The following UBE4A variants were observed in gnomAD, a reference collection of about 807,000 sequenced individuals.
The protein encoded by UBE4A is ubiquitination factor E4A.
UBE4A carries 48 observed loss-of-function variants against 117.9 expected under a neutral mutation model. The ratio of observed to expected loss-of-function variants is 0.41; its 90% CI spans 0.32 to 0.52. The LOEUF is 0.52. Ranked by LOEUF, UBE4A falls within the 20% of genes least tolerant of loss-of-function variation. The pLI is 0.33. For missense variants in UBE4A, 1,067 were observed against 1,296.3 expected (o/e 0.82, Z 2.72); for synonymous variants, 407 against 450.0 (o/e 0.90, Z 1.21).
chr11:118,378,832 A>T (rs1948675628), intron 10 of UBE4A: 2 of 152,400 alleles, frequency 1.3e-5, no homozygotes, highest in Non-Finnish European at 2.9e-5. Context: ...ACTATTATCC[A>T]TAACTTTGAA....
chr11:118,378,540 A>G (rs1565534039), intron 10 of UBE4A: 1 of 152,236 alleles, frequency 6.6e-6, no homozygotes, highest in South Asian at 2.1e-4. Flanking sequence ...AGTCATAGAA[A>G]GGGACACTAA....
At chr11:118,369,016 A>T (rs1948587270) in intron 3 of UBE4A, among the ~76,000 whole-genome samples, 1 of 152,188 alleles carries the variant, frequency 6.6e-6, no homozygotes. Context: ...TTCAATACTG[A>T]CTGCACTATA....
chr11:118,370,277 A>G (rs912071791), intron 4 of UBE4A, among the ~76,000 whole-genome samples: 1 of 152,122 alleles, frequency 6.6e-6, no homozygotes, highest in South Asian at 2.1e-4. Context: ...GGCAAGGCCC[A>G]TCGCTTTTTC....
intron 17 of UBE4A, 35 bp from the exon 18 acceptor site, chr11:118,390,622 T>C (rs1555128200): frequency 6.8e-7 from 1 of 1,475,002 alleles, no homozygotes; most frequent in Non-Finnish European, 9.0e-7. Context: ...ACCAACCCTC[T>C]GGTGATCAGT....
intron 16 of UBE4A, among the ~76,000 whole-genome samples, chr11:118,387,294 A>G (rs1555127423): frequency 1.3e-5 from 2 of 152,238 alleles, no homozygotes. Context: ...AAGAGAAGAT[A>G]CAGCAGCCAC....
chr11:118,374,468 C>T (rs1591298451), intron 8 of UBE4A, among the ~76,000 whole-genome samples: 1 of 152,212 alleles, frequency 6.6e-6, no homozygotes, highest in Non-Finnish European at 1.5e-5. Context: ...GCATGGCAAA[C>T]TAGCAGTGGC....
intron 2 of UBE4A, among the ~76,000 whole-genome samples, chr11:118,366,030 G>A (rs529856155): frequency 1.3e-5 from 2 of 150,482 alleles, no homozygotes; most frequent in South Asian, 4.3e-4. Flanking sequence ...AGAAGGAGAA[G>A]TGTTTGCATT....
At chr11:118,385,050 C>T (rs1236407810) in intron 15 of UBE4A, 105 bp downstream of exon 15, 1 of 1,018,550 alleles carries the variant, frequency 9.8e-7, no homozygotes, top group Admixed American at 2.5e-5. Context: ...CCTTATGCCC[C>T]TAGTACCAGA....
At chr11:118,389,487 AGT>A (rs1948792630) in intron 16 of UBE4A, among the ~76,000 whole-genome samples, 1 of 152,228 alleles carries the variant, frequency 6.6e-6, no homozygotes, top group African/African-American at 2.4e-5. Context: ...AGATGTTAAC[AGT>A]GTTTATCTCT....
At position 118,399,082 on chromosome 11, in the gene UBE4A, G is replaced by A. The variant is rs573775082; in HGVS notation, c.*2642G>A. The A allele has an allele frequency of 2.1e-4, 96 of 456,286 alleles. 1 individual carries two copies. The highest frequency in any genetic ancestry group is 1.4e-3 in the South Asian group (93 of 64,502). 28.3% of individuals were successfully genotyped at this position (456,286 alleles called of 1,614,324 possible). A position where few individuals can be genotyped will look rare whatever the true frequency, so the allele number is the denominator to read the frequency against. On this transcript the variant is annotated 3_prime_UTR_variant, in exon 20 of 20. Coordinates refer to ENST00000252108, the MANE Select transcript of UBE4A (RefSeq NM_001204077.2). ...TGAACCTAGAAACAGAAAATGAAAA[G>A]GTTGATTGAAATAAAACTTGATCAA... is the stretch of plus-strand genomic sequence containing the variant.
chr11:118,360,596 A>C (rs977829946), intron 1 of UBE4A, among the ~76,000 whole-genome samples: 2 of 152,210 alleles, frequency 1.3e-5, no homozygotes, highest in African/African-American at 4.8e-5. Context: ...GTATGATTTG[A>C]TAGAGCTTGA....
At chr11:118,364,927 C>G (rs1194852266) in intron 1 of UBE4A, 113 bp from the exon 2 acceptor site, 1 of 1,099,068 alleles carries the variant, frequency 9.1e-7, no homozygotes, top group African/African-American at 1.6e-5. Context: ...AATCTTAACC[C>G]AAAGTATTTT....
rs782471680 is a variant in UBE4A, at chr11:118,389,774, C to T, written c.2637C>T (p.Ser879=). The change falls in exon 17 of 20, where the codon TCC becomes TCT. Residue 879 remains serine, a synonymous_variant. Transcript: ENST00000252108. ...VHPFLAERII[S]MLNYFLQHLV... ...CCTTCCTGGCTGAGCGCATCATCTCCATGTTGAACTACTTCCTGCAACACC... is the reference window on the plus strand; with the variant it reads ...CCTTCCTGGCTGAGCGCATCATCTCTATGTTGAACTACTTCCTGCAACACC... 1.2e-6 allele frequency: 2 copies of T among 1,613,744 alleles called. No homozygotes were observed. Among genetic ancestry groups the T allele is most frequent in the Non-Finnish European group, 8.5e-7 (1 of 1,179,692 alleles).
At position 118,376,569 on chromosome 11, in the gene UBE4A, T is replaced by A. The variant is rs565868358; in HGVS notation, c.1451-5T>A. ...ACCCTCTTTTTTTTTTTTAACTTCTTTGAGGTTTGGACAAAGAAACCTGTT... is the reference window on the plus strand; with the variant it reads ...ACCCTCTTTTTTTTTTTTAACTTCTATGAGGTTTGGACAAAGAAACCTGTT... On this transcript the variant is annotated splice_polypyrimidine_tract_variant and splice_region_variant and intron_variant, in intron 9 of 19. Transcript: ENST00000252108. 342 of 1,612,124 alleles carry A rather than the reference T, an allele frequency of 2.1e-4. 3 individuals carry two copies. The South Asian group carries it at 3.6e-3, about 17-fold the overall frequency.
chr11:118,394,249 A>C (rs1341403445), intron 19 of UBE4A, among the ~76,000 whole-genome samples: 1 of 152,058 alleles, frequency 6.6e-6, no homozygotes, highest in Non-Finnish European at 1.5e-5. Flanking sequence ...TCACCCTCCC[A>C]GGCTCAAGCA....
Position 118,389,786 on chromosome 11 carries a change from C to T in UBE4A, c.2649C>T (p.Tyr883=). The change falls in exon 17 of 20, where the codon TAC becomes TAT. Residue 883 remains tyrosine, a synonymous_variant. Transcript: ENST00000252108. ...LAERIISMLN[Y]FLQHLVGPKM... ...AGCGCATCATCTCCATGTTGAACTACTTCCTGCAACACCTGGTTGGCCCCA... is the reference window on the plus strand; with the variant it reads ...AGCGCATCATCTCCATGTTGAACTATTTCCTGCAACACCTGGTTGGCCCCA... The T allele has an allele frequency of 6.2e-7, 1 of 1,614,020 alleles. No homozygotes were observed. Among genetic ancestry groups the T allele is most frequent in the East Asian group, 2.2e-5 (1 of 44,886 alleles).
At chr11:118,392,998 A>G (rs1948833849) in intron 19 of UBE4A, 103 bp downstream of exon 19, 1 of 1,134,730 alleles carries the variant, frequency 8.8e-7, no homozygotes, top group African/African-American at 1.6e-5. Context: ...AACACATACC[A>G]CATATTATTG....
intron 4 of UBE4A, among the ~76,000 whole-genome samples, chr11:118,370,305 A>G (rs946373622): frequency 1.3e-5 from 2 of 151,808 alleles, no homozygotes; most frequent in South Asian, 2.1e-4. Context: ...TATCCTTTCT[A>G]TCTTAGTCTG....
rs1419889549 is a variant in UBE4A at position 118,376,619 on chromosome 11, A to C, written c.1496A>C (p.Lys499Thr). 8 of 1,614,072 alleles carry C rather than the reference A, an allele frequency of 5.0e-6. No individual in the cohort carries two copies. The highest frequency in any genetic ancestry group is 6.8e-6 in the Non-Finnish European group (8 of 1,180,000). Residue 499 changes from lysine to threonine, a missense_variant, in exon 10 of 20, where the codon AAG becomes ACG. Physicochemically the swap from Lys to Thr is moderately conservative, Grantham distance 78 (BLOSUM62 -1). Transcript: ENST00000252108. Reference sequence around the variant, plus strand: ...TTGATCCCAGCTGTGCAGGAGCCGAAGTTTCCACAGAACTACAACCTTGTA... The same window carrying C: ...TTGATCCCAGCTGTGCAGGAGCCGACGTTTCCACAGAACTACAACCTTGTA... Reference protein sequence around the residue: ...TCLIPAVQEPKFPQNYNLVTE... With the variant: ...TCLIPAVQEPTFPQNYNLVTE...
Sources: gnomAD v4.1 joint callset for allele counts (sites outside exome capture counted in the v4.1 genomes callset) on GRCh38, gnomAD v4.1.1 for gene constraint, MANE v1.5 for transcripts, NCBI Gene and HGNC (gene_info 2026-07-23, HGNC 2026-07-21) for gene names.